The following PTPA variants were observed in gnomAD, a reference collection of about 807,000 sequenced individuals.
PTPA encodes serine/threonine-protein phosphatase 2A activator.
A neutral mutation model predicts 43.6 loss-of-function variants in PTPA; 13 were observed. That is an observed-to-expected ratio of 0.30 (90% CI 0.19 to 0.47). PTPA has a LOEUF of 0.47. PTPA is among the 20% of genes least tolerant of loss of function. The pLI is 0.99. For synonymous variants in PTPA, 172 were observed against 158.2 expected, an observed-to-expected ratio of 1.09 and a Z score of -0.66; for missense variants, 329 against 411.9, an observed-to-expected ratio of 0.80 and a Z score of 1.74.
At chr9:129,141,147 C>T (rs1049008212) in intron 8 of PTPA, among the ~76,000 whole-genome samples, 1 of 152,012 alleles carries the variant, frequency 6.6e-6, no homozygotes, top group African/African-American at 2.4e-5. Flanking sequence ...GATAAAATGA[C>T]AGGTTTTTTT....
intron 8 of PTPA, among the ~76,000 whole-genome samples, chr9:129,138,971 G>A (rs948371787): frequency 8.5e-5 from 13 of 152,212 alleles, no homozygotes; most frequent in African/African-American, 1.2e-4. Flanking sequence ...CCAGTCACGC[G>A]CTGCTCTCTG....
chr9:129,146,671 G>A (rs942532722), intron 9 of PTPA, among the ~76,000 whole-genome samples: 7 of 152,228 alleles, frequency 4.6e-5, no homozygotes, highest in Non-Finnish European at 7.3e-5. Flanking sequence ...TGTTGCGGGA[G>A]CTGCAGCTGG....
intron 3 of PTPA, chr9:129,128,178 C>A: frequency 3.5e-6 from 2 of 571,720 alleles, no homozygotes; most frequent in South Asian, 1.6e-5. Flanking sequence ...GGGTTTGAAT[C>A]CAGGCCCACC....
At chr9:129,113,245 C>T (rs1318148698) in intron 1 of PTPA, among the ~76,000 whole-genome samples, 1 of 151,848 alleles carries the variant, frequency 6.6e-6, no homozygotes, top group Non-Finnish European at 1.5e-5. Flanking sequence ...AGGTGCGCCA[C>T]CATGCCTGGC....
At chr9:129,111,778 G>A (rs1848511907) in intron 1 of PTPA, 147 bp downstream of exon 1, 5 of 1,233,610 alleles carry the variant, frequency 4.1e-6, no homozygotes, top group East Asian at 3.2e-5. Context: ...GAGTTGAATG[G>A]CCTTAGGGGA....
Position 129,123,239 on chromosome 9 carries a change from C to T in PTPA, c.216+101C>T, listed in dbSNP as rs534646556. ...CTGTAATCTCAGCACCTTGGGAGGC[C>T]GAGGCAGGCGGCTCACGAGGTCAGG... On this transcript the variant is annotated intron_variant, in intron 3 of 9. Transcript: ENST00000393370. 90 of 978,482 alleles carry T rather than the reference C, an allele frequency of 9.2e-5. No individual in the cohort carries two copies. In the South Asian group the frequency reaches 1.2e-3, roughly 13 times the overall value. 60.6% of individuals were successfully genotyped at this position (978,482 alleles called of 1,614,324 possible). A position where few individuals can be genotyped will look rare whatever the true frequency, so the allele number is the denominator to read the frequency against.
At chr9:129,125,466 G>A (rs1849516508) in intron 3 of PTPA, among the ~76,000 whole-genome samples, 1 of 152,048 alleles carries the variant, frequency 6.6e-6, no homozygotes, top group African/African-American at 2.4e-5. Flanking sequence ...TGGGCAGGCT[G>A]GTCTCAAACT....
At chr9:129,142,340 G>GTT in intron 8 of PTPA, 105 bp from the exon 9 acceptor site, 2 of 778,158 alleles carry the variant, frequency 2.6e-6, no homozygotes, top group Non-Finnish European at 3.7e-6. Flanking sequence ...GTGTGCGTTT[G>GTT]TGTGTGTGTG....
chr9:129,130,990 A>T (rs911168338), intron 4 of PTPA, among the ~76,000 whole-genome samples: 1 of 152,194 alleles, frequency 6.6e-6, no homozygotes, highest in African/African-American at 2.4e-5. Context: ...GTCTAGCTAT[A>T]GGTCTTTTTC....
chr9:129,134,685 G>T, intron 5 of PTPA, 110 bp from the exon 6 acceptor site: 1 of 805,886 alleles, frequency 1.2e-6, no homozygotes, highest in South Asian at 1.7e-5. Context: ...TCTCCATGTT[G>T]ACCACCCTCC....
At chr9:129,131,431 T>C (rs1364167831) in intron 4 of PTPA, 91 bp from the exon 5 acceptor site, 1 of 1,117,344 alleles carries the variant, frequency 8.9e-7, no homozygotes, top group East Asian at 2.4e-5. Context: ...CAAGGCAGTG[T>C]GGGCCCCCAG....
intron 5 of PTPA, 136 bp from the exon 6 acceptor site, chr9:129,134,659 G>A (rs945439369): frequency 2.5e-5 from 16 of 646,920 alleles, no homozygotes; most frequent in African/African-American, 2.4e-4. Context: ...TTCTGAATGG[G>A]GAAGAGGTCT....
At chr9:129,118,077 G>A (rs1849006892) in intron 1 of PTPA, among the ~76,000 whole-genome samples, 1 of 149,136 alleles carries the variant, frequency 6.7e-6, no homozygotes, top group Admixed American at 6.7e-5. Context: ...CCCCGAGATG[G>A]AGTCTTGCTC....
At chr9:129,117,559 A>T (rs779863328) in intron 1 of PTPA, among the ~76,000 whole-genome samples, 1 of 151,306 alleles carries the variant, frequency 6.6e-6, no homozygotes, top group Non-Finnish European at 1.5e-5. Context: ...GTGCGCCACC[A>T]TGCCTGGCTA....
At chr9:129,147,034 C>T (rs1433989953) in intron 9 of PTPA, among the ~76,000 whole-genome samples, 1 of 152,222 alleles carries the variant, frequency 6.6e-6, no homozygotes. Context: ...CGTCTCTTCT[C>T]TAGAACTGGG....
In PTPA at chr9:129,133,362, G is replaced by C. The variant is rs563761799; in HGVS notation, c.461-1433G>C. Among the ~76,000 whole-genome samples the C allele has an allele frequency of 2.8e-4, 42 of 152,346 alleles. 1 individual carries two copies. The South Asian group carries it at 8.7e-3, about 32-fold the overall frequency. ...GGGAAGACTGGCCAGGTCAGCAGGG[G>C]TTGGTGCCCCAGCTGCATGTGAACC... is the stretch of plus-strand genomic sequence containing the variant. On this transcript the variant is annotated intron_variant, in intron 5 of 9. Transcript: ENST00000393370.
At position 129,127,491 on chromosome 9, in the gene PTPA, G is replaced by A. The variant is rs1218939230; in HGVS notation, c.217-1494G>A. Among the ~76,000 whole-genome samples the A allele has an allele frequency of 3.9e-5, 6 of 152,182 alleles. No homozygotes were observed. In the South Asian group the frequency reaches 1.0e-3, roughly 26 times the overall value. On this transcript the variant is annotated intron_variant, in intron 3 of 9. Coordinates refer to ENST00000393370, the MANE Select transcript of PTPA (RefSeq NM_178000.3). ...CAGGCAAGATCCACTTCCTGGCAGG[G>A]ACTCTTTTCTCAGGACTGAATGGCT...
At chr9:129,118,211 A>G (rs1285970342) in intron 1 of PTPA, among the ~76,000 whole-genome samples, 2 of 149,752 alleles carry the variant, frequency 1.3e-5, no homozygotes, top group Non-Finnish European at 3.0e-5. Flanking sequence ...GCGCCACCAC[A>G]CTTGGCTAAT....
intron 4 of PTPA, 73 bp from the exon 5 acceptor site, chr9:129,131,449 C>T: frequency 1.5e-6 from 2 of 1,371,626 alleles, no homozygotes; most frequent in Non-Finnish European, 2.1e-6. Flanking sequence ...CAGTCAGGTG[C>T]TGCCCCTGGG....
Sources: gnomAD v4.1 joint callset for allele counts (sites outside exome capture counted in the v4.1 genomes callset) on GRCh38, gnomAD v4.1.1 for gene constraint, MANE v1.5 for transcripts, NCBI Gene and HGNC (gene_info 2026-07-23, HGNC 2026-07-21) for gene names.